VSNL1: variants seen among roughly 807,000 people sequenced by gnomAD.
The protein encoded by VSNL1 is visinin-like protein 1.
In VSNL1, 6 loss-of-function variants were observed where a neutral mutation model predicts 20.4. The observed-to-expected ratio is 0.29, with a 90% CI of 0.16 to 0.58. The LOEUF (loss-of-function observed/expected upper bound fraction) is 0.58. Ranked by LOEUF, VSNL1 falls within the 20% of genes least tolerant of loss-of-function variation. The pLI is 0.90. For missense variants in VSNL1, 100 were observed against 234.5 expected, an observed-to-expected ratio of 0.43 and a Z score of 3.75; for synonymous variants, 93 against 86.4, an observed-to-expected ratio of 1.08 and a Z score of -0.42.
chr2:17,586,124 A>G (rs1208983097), intron 1 of VSNL1, among the ~76,000 whole-genome samples: 2 of 152,144 alleles, frequency 1.3e-5, no homozygotes, highest in South Asian at 2.1e-4. Context: ...TGGAATTCTT[A>G]ATGCTAGTCC....
At chr2:17,580,222 A>G (rs1348036293) in intron 1 of VSNL1, among the ~76,000 whole-genome samples, 1 of 152,216 alleles carries the variant, frequency 6.6e-6, no homozygotes, top group Admixed American at 6.5e-5. Context: ...CTGGGTGCCT[A>G]TGGTTGGGTC....
At chr2:17,623,006 G>C (rs1287707933) in intron 2 of VSNL1, among the ~76,000 whole-genome samples, 1 of 152,188 alleles carries the variant, frequency 6.6e-6, no homozygotes, top group Non-Finnish European at 1.5e-5. Flanking sequence ...GGGTGGGTTA[G>C]AGATTCTCCA....
chr2:17,649,463 C>T lies in VSNL1; in HGVS notation c.216C>T (p.Phe72=), dbSNP rs758168029. ...SKFAQHAFRT[F]DKNGDGTIDF... is the part of the protein sequence containing the mutation. ...TTGCCCAGCATGCCTTCCGAACCTT[C>T]GACAAGAATGGGGACGGCACCATTG... The change falls in exon 3 of 4, where the codon TTC becomes TTT. Residue 72 remains phenylalanine (F), a synonymous_variant. Coordinates refer to ENST00000295156, the MANE Select transcript of VSNL1 (RefSeq NM_003385.5). The surrounding 1 kb of genome is among the most constrained non-coding windows in gnomAD (Gnocchi z 6.4). 1.1e-5 allele frequency: 18 copies of T among 1,614,024 alleles called. No individual in the cohort carries two copies. In the East Asian group the frequency reaches 1.3e-4, roughly 12 times the overall value.
chr2:17,599,363 T>C, intron 2 of VSNL1, among the ~76,000 whole-genome samples: 1 of 152,168 alleles, frequency 6.6e-6, no homozygotes, highest in East Asian at 1.9e-4. Flanking sequence ...ACTAAGACAA[T>C]AAAAATTTGA....
chr2:17,647,840 G>C (rs1217829069), intron 2 of VSNL1, among the ~76,000 whole-genome samples: 3 of 152,110 alleles, frequency 2.0e-5, no homozygotes, highest in Non-Finnish European at 2.9e-5. Flanking sequence ...ATTGCTCTCT[G>C]AGTCCATAGC....
intron 2 of VSNL1, among the ~76,000 whole-genome samples, chr2:17,641,736 G>A (rs893935334): frequency 2.6e-5 from 4 of 152,128 alleles, no homozygotes; most frequent in African/African-American, 4.8e-5. Flanking sequence ...CTTACTTATA[G>A]GTACAGAGAT....
At chr2:17,566,443 C>G (rs1230309988) in intron 1 of VSNL1, among the ~76,000 whole-genome samples, 1 of 152,242 alleles carries the variant, frequency 6.6e-6, no homozygotes, top group African/African-American at 2.4e-5. Context: ...TTAAATCAAA[C>G]TGATTATATA....
rs1033542184 is a variant in VSNL1 at position 17,655,712 on chromosome 2, T to G, written c.*318T>G. ...GTGCTGCAAAGAGTTATATGACTTC[T>G]TGTTCATGTTTTGCTAATGCTCGTA... is the stretch of plus-strand genomic sequence containing the variant. On this transcript the variant is annotated 3_prime_UTR_variant, in exon 4 of 4. Coordinates refer to ENST00000295156, the MANE Select transcript of VSNL1 (RefSeq NM_003385.5). The surrounding 1 kb of genome is among the most constrained non-coding windows in gnomAD (Gnocchi z 5.2). 3 of 256,608 alleles carry G rather than the reference T, an allele frequency of 1.2e-5. No individual in the cohort carries two copies. The highest frequency in any genetic ancestry group is 2.3e-5 in the Non-Finnish European group (3 of 130,474). The allele number at this position is 256,608 out of a possible 1,614,324, so 15.9% of individuals were successfully genotyped here. A position where few individuals can be genotyped will look rare whatever the true frequency, so the allele number is the denominator to read the frequency against.
intron 2 of VSNL1, among the ~76,000 whole-genome samples, chr2:17,616,263 C>T (rs1665214756): frequency 6.6e-6 from 1 of 152,260 alleles, no homozygotes; most frequent in Non-Finnish European, 1.5e-5. Context: ...ACAAGGCACT[C>T]ACATACTGTG....
chr2:17,630,732 C>T (rs890898976), intron 2 of VSNL1, among the ~76,000 whole-genome samples: 1 of 152,108 alleles, frequency 6.6e-6, no homozygotes, highest in African/African-American at 2.4e-5. Context: ...CTAGTTCAAA[C>T]ATATCAAACA....
At chr2:17,603,783 C>T (rs949001284) in intron 2 of VSNL1, among the ~76,000 whole-genome samples, 2 of 152,118 alleles carry the variant, frequency 1.3e-5, no homozygotes, top group African/African-American at 4.8e-5. Flanking sequence ...GGGTTGTATT[C>T]TTAAAACAAC....
At chr2:17,621,713 G>A (rs764459151) in intron 2 of VSNL1, among the ~76,000 whole-genome samples, 2 of 152,112 alleles carry the variant, frequency 1.3e-5, no homozygotes, top group Admixed American at 6.5e-5. Flanking sequence ...GTACAGCCTC[G>A]AACCCCTGGG....
chr2:17,557,396 C>T (rs534071303), intron 1 of VSNL1, among the ~76,000 whole-genome samples: 40 of 152,276 alleles, frequency 2.6e-4, no homozygotes, highest in African/African-American at 9.6e-4. Context: ...CAACCATAAT[C>T]CCTGCCTTCA....
chr2:17,617,323 T>C (rs1474461496), intron 2 of VSNL1, among the ~76,000 whole-genome samples: 2 of 152,140 alleles, frequency 1.3e-5, no homozygotes, highest in Non-Finnish European at 2.9e-5. Flanking sequence ...GGAAAAACCC[T>C]GTCTTTACTA....
intron 1 of VSNL1, among the ~76,000 whole-genome samples, chr2:17,578,304 C>T (rs529831268): frequency 6.6e-6 from 1 of 152,292 alleles, no homozygotes; most frequent in South Asian, 2.1e-4. Flanking sequence ...TGATAACTGG[C>T]TCTTTGGATT....
At chr2:17,545,579 G>T (rs1663388230) in intron 1 of VSNL1, among the ~76,000 whole-genome samples, 1 of 152,056 alleles carries the variant, frequency 6.6e-6, no homozygotes, top group East Asian at 1.9e-4. Context: ...CCCTGTGAGG[G>T]GACCACATCA....
chr2:17,597,616 TAC>T (rs1377307832), intron 2 of VSNL1, among the ~76,000 whole-genome samples: 2 of 152,222 alleles, frequency 1.3e-5, no homozygotes, highest in African/African-American at 4.8e-5. Flanking sequence ...CAAGAGTTCC[TAC>T]CAAGTCATTC....
chr2:17,561,987 A>G (rs771033980), intron 1 of VSNL1, among the ~76,000 whole-genome samples: 7 of 152,194 alleles, frequency 4.6e-5, no homozygotes. Flanking sequence ...TCAAACTCTC[A>G]CCAGCCAACA....
At chr2:17,548,520 G>C (rs185724761) in intron 1 of VSNL1, among the ~76,000 whole-genome samples, 7 of 152,204 alleles carry the variant, frequency 4.6e-5, no homozygotes, top group Non-Finnish European at 8.8e-5. Context: ...GGTGAAAATA[G>C]GGATAATGTA....
Sources: allele counts gnomAD v4.1 joint callset (sites outside exome capture counted in the v4.1 genomes callset), GRCh38; gene constraint gnomAD v4.1.1; non-coding constraint Gnocchi (gnomAD v3.1); transcripts MANE v1.5; gene names NCBI Gene and HGNC (gene_info 2026-07-23, HGNC 2026-07-21).